RBM33: variants seen among roughly 807,000 people sequenced by gnomAD.
RBM33 encodes the protein RNA binding motif protein 33, also known as RNA-binding protein 33.
RBM33 carries 28 observed loss-of-function variants against 132.6 expected under a neutral mutation model. The observed-to-expected ratio is 0.21, with a 90% CI of 0.16 to 0.29. The LOEUF is 0.29. RBM33 is among the 10% of genes least tolerant of loss of function. RBM33 has a pLI of 1.00. For synonymous variants in RBM33, 634 were observed against 593.0 expected (o/e 1.07, Z -1.01); for missense variants, 1,291 against 1,518.5 (o/e 0.85, Z 2.49).
At chr7:155,764,123 C>A in intron 15 of RBM33, 105 bp downstream of exon 15, 1 of 839,858 alleles carries the variant, frequency 1.2e-6, no homozygotes, top group South Asian at 2.0e-5. Flanking sequence ...GTAGTACTCA[C>A]ATTCATAAGT....
chr7:155,663,025 C>G (rs1798697856), intron 1 of RBM33, among the ~76,000 whole-genome samples: 1 of 152,122 alleles, frequency 6.6e-6, no homozygotes, highest in African/African-American at 2.4e-5. Context: ...AGTGTCTTTT[C>G]ATTTGTTGTA....
intron 14 of RBM33, among the ~76,000 whole-genome samples, chr7:155,749,597 AATG>A (rs372803053): frequency 1.3e-5 from 2 of 149,858 alleles, no homozygotes; most frequent in African/African-American, 5.1e-5. Context: ...CTCCTAGGAT[AATG>A]ATGATGATGA....
intron 1 of RBM33, among the ~76,000 whole-genome samples, chr7:155,653,761 A>T (rs960529781): frequency 1.3e-5 from 2 of 152,142 alleles, no homozygotes; most frequent in Admixed American, 1.3e-4. Context: ...AATAAACTGT[A>T]ACAGTAAGTA....
rs1037966258 is a variant in RBM33 at position 155,680,605 on chromosome 7, A to G, written c.264A>G (p.Thr88=). The G allele has an allele frequency of 6.3e-7, 1 of 1,598,020 alleles. No individual in the cohort carries two copies. Among genetic ancestry groups the G allele is most frequent in the African/African-American group, 1.3e-5 (1 of 74,648 alleles). The change falls in exon 5 of 18, where the codon ACA becomes ACG. Residue 88 remains threonine (T), a synonymous_variant. Coordinates refer to ENST00000401878, the MANE Select transcript of RBM33 (RefSeq NM_053043.3). ...TCCTCTCTAGTTCTCAGGGTGTTACAATTAGTCTGAATGCTACATCTGGCA... is the reference window on the plus strand; with the variant it reads ...TCCTCTCTAGTTCTCAGGGTGTTACGATTAGTCTGAATGCTACATCTGGCA... ...DEENFSSQGV[T]ISLNATSGMV...
At chr7:155,741,422 A>G (rs558565344) in intron 12 of RBM33, among the ~76,000 whole-genome samples, 1 of 152,294 alleles carries the variant, frequency 6.6e-6, no homozygotes, top group Non-Finnish European at 1.5e-5. Context: ...AATTTAAGTG[A>G]CTAGGTAAAA....
intron 1 of RBM33, among the ~76,000 whole-genome samples, chr7:155,658,414 G>A (rs1798550243): frequency 7.1e-6 from 1 of 141,156 alleles, no homozygotes; most frequent in Non-Finnish European, 1.5e-5. Flanking sequence ...TTGAGACGGA[G>A]TGTCTCTCTG....
chr7:155,752,020 C>G (rs1316271525), intron 14 of RBM33, among the ~76,000 whole-genome samples: 2 of 152,178 alleles, frequency 1.3e-5, no homozygotes, highest in East Asian at 3.8e-4. Context: ...ATGCAATGAA[C>G]TGTCACTGTC....
At chr7:155,737,918 C>A in intron 10 of RBM33, 142 bp from the exon 11 acceptor site, 3 of 851,280 alleles carry the variant, frequency 3.5e-6, no homozygotes, top group Non-Finnish European at 5.4e-6. Flanking sequence ...AAATAAGAGG[C>A]AAAATCTGGA....
At chr7:155,716,177 G>T (rs998168133) in intron 8 of RBM33, among the ~76,000 whole-genome samples, 4 of 152,216 alleles carry the variant, frequency 2.6e-5, no homozygotes, top group African/African-American at 9.6e-5. Context: ...GCCTGGCAGG[G>T]AGAGCCCGCA....
chr7:155,672,395 CTG>C (rs976480980), intron 2 of RBM33, among the ~76,000 whole-genome samples: 13 of 152,156 alleles, frequency 8.5e-5, no homozygotes, highest in African/African-American at 2.2e-4. Context: ...AAAATGTTCT[CTG>C]TGCATTTGAA....
rs1468964520 is a variant in RBM33 at position 155,779,513 on chromosome 7, G to A, written c.*4472G>A. On this transcript the variant is annotated 3_prime_UTR_variant, in exon 18 of 18. Coordinates refer to ENST00000401878, the MANE Select transcript of RBM33 (RefSeq NM_053043.3). ...ATTCTTAAATATGAATTCTCCAAAG[G>A]CATTTAGCCTTGACTTAATATTAAA... The A allele has an allele frequency of 6.6e-6, 1 of 152,192 alleles. No homozygotes were observed. The highest frequency in any genetic ancestry group is 2.4e-5 in the African/African-American group (1 of 41,450). The allele number at this position is 152,192 out of a possible 1,614,324, so 9.4% of individuals were successfully genotyped here.
rs914050437 is a variant in RBM33, at chr7:155,775,321, T to C, written c.*280T>C. On this transcript the variant is annotated 3_prime_UTR_variant, in exon 18 of 18. Coordinates refer to ENST00000401878, the MANE Select transcript of RBM33 (RefSeq NM_053043.3). ...TGTTTTGTTTTCAAAGTGCTTACAATGCATGTAGACATTGTTCTTTGTGGT... is the reference window on the plus strand; with the variant it reads ...TGTTTTGTTTTCAAAGTGCTTACAACGCATGTAGACATTGTTCTTTGTGGT... The C allele has an allele frequency of 1.0e-5, 6 of 574,546 alleles. No individual in the cohort carries two copies. Among genetic ancestry groups the C allele is most frequent in the African/African-American group, 1.9e-5 (1 of 53,462 alleles). 35.6% of individuals were successfully genotyped at this position (574,546 alleles called of 1,614,324 possible). A position where few individuals can be genotyped will look rare whatever the true frequency, so the allele number is the denominator to read the frequency against.
chr7:155,728,917 A>T (rs1244822023), intron 9 of RBM33, among the ~76,000 whole-genome samples: 3 of 152,208 alleles, frequency 2.0e-5, no homozygotes, highest in Admixed American at 1.3e-4. Context: ...CTGTGAGCAT[A>T]ATACCTACCT....
chr7:155,673,944 T>TGTTTGTTTTTTTTG (rs1563138306), intron 3 of RBM33, among the ~76,000 whole-genome samples: 2 of 86,470 alleles, frequency 2.3e-5, no homozygotes, highest in East Asian at 3.1e-4. Context: ...GGCTTAGTTT[T>TGTTTGTTTTTTTTG]TTTTTTTTTT....
intron 11 of RBM33, chr7:155,738,693 A>G: frequency 2.8e-6 from 1 of 360,674 alleles, no homozygotes; most frequent in East Asian, 5.5e-5. Flanking sequence ...TTGATAATAC[A>G]TTTGCTCATC....
intron 9 of RBM33, among the ~76,000 whole-genome samples, chr7:155,723,763 T>G (rs1259425422): frequency 6.6e-6 from 1 of 152,208 alleles, no homozygotes; most frequent in Non-Finnish European, 1.5e-5. Flanking sequence ...AAAATTGGTT[T>G]CTTGTTTCTT....
intron 2 of RBM33, among the ~76,000 whole-genome samples, chr7:155,672,146 T>C (rs1798959445): frequency 6.6e-6 from 1 of 152,106 alleles, no homozygotes; most frequent in Non-Finnish European, 1.5e-5. Context: ...TGTCAAACGG[T>C]CTCTAGTGGT....
At chr7:155,717,454 A>G (rs1215713727) in intron 8 of RBM33, among the ~76,000 whole-genome samples, 1 of 149,538 alleles carries the variant, frequency 6.7e-6, no homozygotes, top group Non-Finnish European at 1.5e-5. Context: ...TACCTCTTTT[A>G]AAGACCTAAT....
chr7:155,728,832 C>T (rs953047386), intron 9 of RBM33, among the ~76,000 whole-genome samples: 50 of 152,160 alleles, frequency 3.3e-4, no homozygotes, highest in African/African-American at 1.2e-3. Context: ...AGGTAGGCAG[C>T]CTGGGTTTGA....
Sources: gnomAD v4.1 joint callset for allele counts (sites outside exome capture counted in the v4.1 genomes callset) on GRCh38, gnomAD v4.1.1 for gene constraint, MANE v1.5 for transcripts, NCBI Gene and HGNC (gene_info 2026-07-23, HGNC 2026-07-21) for gene names.